The following CDKL4 variants were observed in gnomAD, a reference collection of about 807,000 sequenced individuals.
CDKL4 encodes the protein cyclin-dependent kinase-like 4.
In CDKL4, 44 loss-of-function variants were observed where a neutral mutation model predicts 42.0. That is an observed-to-expected ratio of 1.05 (90% CI 0.82 to 1.35). The LOEUF is 1.35. CDKL4 is among the 40% of genes most tolerant of loss of function. CDKL4 has a pLI of 0.00. For missense variants in CDKL4, 393 were observed against 369.9 expected, an observed-to-expected ratio of 1.06 and a Z score of -0.51; for synonymous variants, 120 against 121.6, an observed-to-expected ratio of 0.99 and a Z score of 0.09.
intron 9 of CDKL4, among the ~76,000 whole-genome samples, chr2:39,176,571 T>A (rs1186716714): frequency 6.6e-6 from 1 of 152,172 alleles, no homozygotes; most frequent in East Asian, 1.9e-4. Context: ...GTAGCTGAGA[T>A]TACAGGTGTG....
chr2:39,177,838 G>C (rs897387330), intron 9 of CDKL4, among the ~76,000 whole-genome samples: 1 of 148,032 alleles, frequency 6.8e-6, no homozygotes, highest in Admixed American at 6.7e-5. Context: ...ACAGGCGCCC[G>C]CCACCACACC....
chr2:39,214,272 C>T (rs1346553314), intron 3 of CDKL4, among the ~76,000 whole-genome samples: 1 of 152,218 alleles, frequency 6.6e-6, no homozygotes, highest in East Asian at 1.9e-4. Context: ...TCGTATGGTT[C>T]AAATTTTAAA....
intron 3 of CDKL4, 35 bp downstream of exon 3, chr2:39,225,804 T>C (rs1678673572): frequency 6.4e-7 from 1 of 1,572,882 alleles, no homozygotes; most frequent in African/African-American, 1.4e-5. Flanking sequence ...AACTGAGAAC[T>C]GGCTGTACAG....
chr2:39,208,270 A>G (rs1465035747), intron 4 of CDKL4, among the ~76,000 whole-genome samples: 1 of 152,060 alleles, frequency 6.6e-6, no homozygotes, highest in Non-Finnish European at 1.5e-5. Flanking sequence ...CAATCAGCTT[A>G]TTTTCCCTCG....
intron 6 of CDKL4, among the ~76,000 whole-genome samples, chr2:39,188,292 G>T (rs980368821): frequency 1.3e-5 from 2 of 152,042 alleles, no homozygotes; most frequent in Non-Finnish European, 2.9e-5. Context: ...GCTGGGTGCG[G>T]TGGCTCACGC....
At chr2:39,225,719 C>CT in intron 3 of CDKL4, 120 bp downstream of exon 3, 1 of 927,396 alleles carries the variant, frequency 1.1e-6, no homozygotes, top group Non-Finnish European at 1.6e-6. Flanking sequence ...GATGGGGTAG[C>CT]CAGATGCATT....
intron 5 of CDKL4, among the ~76,000 whole-genome samples, chr2:39,200,865 A>G (rs1676800717): frequency 6.6e-6 from 1 of 152,228 alleles, no homozygotes; most frequent in Non-Finnish European, 1.5e-5. Flanking sequence ...CTTCAATCTA[A>G]GACCTGAAAC....
chr2:39,186,791 G>C (rs960523131), intron 7 of CDKL4, among the ~76,000 whole-genome samples: 3 of 151,974 alleles, frequency 2.0e-5, no homozygotes, highest in African/African-American at 7.2e-5. Flanking sequence ...TAGTCTTTAT[G>C]AGAATATAAT....
chr2:39,245,964 T>C (rs1408946230), upstream of CDKL4, among the ~76,000 whole-genome samples: 1 of 152,224 alleles, frequency 6.6e-6, no homozygotes, highest in Non-Finnish European at 1.5e-5. Context: ...AATAATGTAA[T>C]GAATGCTCTG....
downstream of CDKL4, among the ~76,000 whole-genome samples, chr2:39,174,087 G>T (rs2148272550): frequency 6.6e-6 from 1 of 152,088 alleles, no homozygotes. Context: ...AAGAATGTAG[G>T]CCAGATCAGA....
intron 5 of CDKL4, among the ~76,000 whole-genome samples, chr2:39,194,891 A>G (rs962498938): frequency 2.0e-5 from 3 of 152,186 alleles, no homozygotes; most frequent in Non-Finnish European, 4.4e-5. Context: ...GTGTTGCACA[A>G]TCATCACCAC....
chr2:39,240,677 T>TAAAAA (rs768356807), intron 1 of CDKL4, among the ~76,000 whole-genome samples: 1 of 87,940 alleles, frequency 1.1e-5, no homozygotes, highest in Non-Finnish European at 2.4e-5. Context: ...AGATGAACAT[T>TAAAAA]AAAAAAAAAA....
downstream of CDKL4, among the ~76,000 whole-genome samples, chr2:39,172,571 A>G (rs930026014): frequency 6.6e-6 from 1 of 152,120 alleles, no homozygotes; most frequent in Admixed American, 6.6e-5. Flanking sequence ...TGGCATCAGA[A>G]GCTGATTTTT....
chr2:39,194,616 T>C (rs934869679), intron 5 of CDKL4, among the ~76,000 whole-genome samples: 1 of 152,242 alleles, frequency 6.6e-6, no homozygotes, highest in Non-Finnish European at 1.5e-5. Flanking sequence ...CTGTGAACTG[T>C]CAATATCTTG....
chr2:39,217,804 G>A (rs950667971), intron 3 of CDKL4, among the ~76,000 whole-genome samples: 6 of 151,948 alleles, frequency 3.9e-5, no homozygotes, highest in African/African-American at 1.4e-4. Context: ...CATAATCTCC[G>A]CTCGCCGCAA....
intron 5 of CDKL4, among the ~76,000 whole-genome samples, chr2:39,196,118 G>T (rs1445789098): frequency 6.6e-6 from 1 of 152,230 alleles, no homozygotes; most frequent in South Asian, 2.1e-4. Flanking sequence ...CTATGCTACC[G>T]CAGCTGATGT....
chr2:39,225,642 G>C (rs1283438689), intron 3 of CDKL4, among the ~76,000 whole-genome samples, 197 bp downstream of exon 3: 1 of 152,042 alleles, frequency 6.6e-6, no homozygotes, highest in African/African-American at 2.4e-5. Flanking sequence ...TCTGTGGTAG[G>C]TTTTTCTCCT....
intron 4 of CDKL4, among the ~76,000 whole-genome samples, chr2:39,212,470 T>G (rs1677646780): frequency 6.6e-6 from 1 of 151,800 alleles, no homozygotes. Flanking sequence ...CCTGACTTCG[T>G]GATCCGCCTG....
chr2:39,188,091 C>CAAACAAA (rs373231639), intron 6 of CDKL4, among the ~76,000 whole-genome samples: 21 of 151,688 alleles, frequency 1.4e-4, no homozygotes, highest in African/African-American at 1.9e-4. Context: ...AACAAACAAA[C>CAAACAAA]AAACAAAAAA....
Sources: allele counts gnomAD v4.1 joint callset (sites outside exome capture counted in the v4.1 genomes callset), GRCh38; gene constraint gnomAD v4.1.1; transcripts MANE v1.5; gene names NCBI Gene and HGNC (gene_info 2026-07-23, HGNC 2026-07-21).